The following ZNF618 variants were observed in gnomAD, a reference collection of about 807,000 sequenced individuals.
ZNF618 encodes neural precursor cell expressed, developmentally down-regulated 10.
In ZNF618, 34 loss-of-function variants were observed where a neutral mutation model predicts 103.0. The observed-to-expected ratio is 0.33, with a 90% CI of 0.25 to 0.44. ZNF618 has a LOEUF of 0.44. Among genes scored for constraint, ZNF618 ranks in the 20% least tolerant of loss-of-function variants. ZNF618 has a pLI of 1.00. For synonymous variants in ZNF618, 551 were observed against 542.2 expected (o/e 1.02, Z -0.23); for missense variants, 1,059 against 1,295.4 (o/e 0.82, Z 2.80).
intron 1 of ZNF618, among the ~76,000 whole-genome samples, chr9:113,940,122 CA>C (rs34493466): frequency 0.53 from 79,274 of 149,502 alleles, 21,196 homozygotes; most frequent in Non-Finnish European, 0.57. Flanking sequence ...TTTAATTTCT[CA>C]AAAAAAAAAA....
intron 1 of ZNF618, among the ~76,000 whole-genome samples, chr9:113,893,995 A>G (rs1829828925): frequency 6.6e-6 from 1 of 152,218 alleles, no homozygotes; most frequent in Non-Finnish European, 1.5e-5. Flanking sequence ...ATGTTCAATG[A>G]GGAGAACTAG....
chr9:113,969,027 G>C (rs1451570174), intron 1 of ZNF618, 90 bp from the exon 2 acceptor site: 1 of 1,427,472 alleles, frequency 7.0e-7, no homozygotes, highest in Non-Finnish European at 9.9e-7. Context: ...TGTGAAGGCT[G>C]GTATTCAGTG....
At chr9:114,014,554 C>T (rs1325818017) in intron 9 of ZNF618, among the ~76,000 whole-genome samples, 1 of 152,344 alleles carries the variant, frequency 6.6e-6, no homozygotes, top group South Asian at 2.1e-4. Flanking sequence ...GCACTTAGCA[C>T]AGTACCTGTT....
At chr9:113,944,218 A>G (rs1411239797) in intron 1 of ZNF618, among the ~76,000 whole-genome samples, 2 of 152,208 alleles carry the variant, frequency 1.3e-5, no homozygotes, top group Non-Finnish European at 1.5e-5. Context: ...TTTCTGCCAC[A>G]CTAGTCAATG....
intron 13 of ZNF618, among the ~76,000 whole-genome samples, chr9:114,046,215 T>C (rs1845635337): frequency 6.6e-6 from 1 of 152,220 alleles, no homozygotes; most frequent in African/African-American, 2.4e-5. Context: ...TTTCTTTTTT[T>C]ACCTAATCGT....
At chr9:113,942,970 G>A (rs995528152) in intron 1 of ZNF618, among the ~76,000 whole-genome samples, 2 of 152,138 alleles carry the variant, frequency 1.3e-5, no homozygotes, top group African/African-American at 4.8e-5. Context: ...TGGCGAAAGT[G>A]TAATTTATTT....
chr9:113,927,957 T>C, intron 1 of ZNF618, among the ~76,000 whole-genome samples: 1 of 152,206 alleles, frequency 6.6e-6, no homozygotes, highest in South Asian at 2.1e-4. Context: ...GGGGCAGTGG[T>C]TTGCTCTGTG....
intron 1 of ZNF618, among the ~76,000 whole-genome samples, chr9:113,925,906 A>C (rs903086870): frequency 1.1e-4 from 16 of 152,290 alleles, no homozygotes; most frequent in Admixed American, 4.6e-4. Flanking sequence ...GTTATCTGTT[A>C]GGTAAGAATG....
chr9:114,048,684 T>A lies in ZNF618; in HGVS notation c.1382T>A (p.Ile461Asn). 6.2e-7 allele frequency: 1 copy of A among 1,613,614 alleles called. No homozygotes were observed. Among genetic ancestry groups the A allele is most frequent in the Non-Finnish European group, 8.5e-7 (1 of 1,179,652 alleles). The change falls in exon 15 of 15, where the codon ATC becomes AAC. Residue 461 changes from isoleucine (I) to asparagine (N), a missense_variant. This residue lies in a region of ZNF618 where 434 missense variants were observed against 476.0 expected (regional missense o/e 0.91). Coordinates refer to ENST00000374126, the MANE Select transcript of ZNF618 (RefSeq NM_001318042.2). The stretch of plus-strand genomic sequence containing the variant: ...AGTGGTTTAACACCCAACAGCATGA[T>A]CCCCGAAAAGGAGCGGCAGAACATC... ...TTSGLTPNSM[I>N]PEKERQNIAE...
chr9:113,878,814 C>T (rs1828213240), intron 1 of ZNF618, among the ~76,000 whole-genome samples: 1 of 152,138 alleles, frequency 6.6e-6, no homozygotes, highest in African/African-American at 2.4e-5. Flanking sequence ...TCCATAGATT[C>T]CCAACCCTGT....
chr9:113,945,685 T>C (rs1183882514), intron 1 of ZNF618, among the ~76,000 whole-genome samples: 1 of 152,252 alleles, frequency 6.6e-6, no homozygotes, highest in Non-Finnish European at 1.5e-5. Flanking sequence ...GCTTTGTCGT[T>C]GGCAGAGTCA....
chr9:113,993,449 A>G (rs1165373444), intron 3 of ZNF618, among the ~76,000 whole-genome samples: 1 of 152,196 alleles, frequency 6.6e-6, no homozygotes, highest in Non-Finnish European at 1.5e-5. Context: ...AGATAAGGCA[A>G]GTTGGGTTTA....
intron 9 of ZNF618, among the ~76,000 whole-genome samples, chr9:114,012,516 T>A (rs746117528): frequency 9.9e-5 from 15 of 152,108 alleles, no homozygotes; most frequent in Non-Finnish European, 2.1e-4. Flanking sequence ...CATATGAATT[T>A]GAGGATGGGG....
chr9:113,909,093 C>T (rs1257869037), intron 1 of ZNF618, among the ~76,000 whole-genome samples: 1 of 151,956 alleles, frequency 6.6e-6, no homozygotes, highest in African/African-American at 2.4e-5. Context: ...CGCAGCTCTG[C>T]CCCTCGGCTG....
At chr9:113,907,972 T>G (rs1444180720) in intron 1 of ZNF618, among the ~76,000 whole-genome samples, 3 of 152,208 alleles carry the variant, frequency 2.0e-5, no homozygotes, top group Admixed American at 6.5e-5. Flanking sequence ...TCAGCATGAT[T>G]ATTTTCCATC....
intron 9 of ZNF618, among the ~76,000 whole-genome samples, chr9:114,010,651 C>T (rs1311919680): frequency 2.6e-5 from 4 of 152,160 alleles, no homozygotes; most frequent in South Asian, 2.1e-4. Flanking sequence ...TTGCAGTGAG[C>T]CGAGATTGCA....
In ZNF618 at chr9:114,049,156, T is replaced by G; in HGVS notation, c.1854T>G (p.Asp618Glu). The change falls in exon 15 of 15, where the codon GAT (aspartate) becomes GAG (glutamate). Residue 618 changes from aspartate to glutamate, a missense_variant. Around this residue, in one of 6 missense-constraint regions of ZNF618, gnomAD observed 272 missense variants for 380.1 expected, o/e 0.72. Transcript: ENST00000374126. ...MSEIRTVYVT[D>E]CRVSTSAFSK... The stretch of plus-strand genomic sequence containing the variant: ...AGATCAGGACAGTGTACGTGACGGA[T>G]TGCCGGGTGAGCACGTCCGCCTTCT... 6.2e-7 allele frequency: 1 copy of G among 1,613,816 alleles called. No homozygotes were observed. The highest frequency in any genetic ancestry group is 8.5e-7 in the Non-Finnish European group (1 of 1,179,886).
intron 2 of ZNF618, among the ~76,000 whole-genome samples, chr9:113,971,733 T>TC (rs1430885889): frequency 6.6e-6 from 1 of 152,052 alleles, no homozygotes; most frequent in African/African-American, 2.4e-5. Context: ...TTGAGTATTA[T>TC]CCCCCTAAGG....
intron 3 of ZNF618, among the ~76,000 whole-genome samples, chr9:113,993,886 AG>A (rs1448061098): frequency 7.2e-5 from 7 of 97,270 alleles, no homozygotes; most frequent in Non-Finnish European, 1.8e-4. Flanking sequence ...AGAAGTCTCC[AG>A]GAGGGGATTT....
Sources: gnomAD v4.1 joint callset for allele counts (sites outside exome capture counted in the v4.1 genomes callset) on GRCh38, gnomAD v4.1.1 for gene constraint, gnomAD v4.1.1 regional missense constraint, MANE v1.5 for transcripts, NCBI Gene and HGNC (gene_info 2026-07-23, HGNC 2026-07-21) for gene names.